The following IL12RB1 variants were observed in gnomAD, a reference collection of about 807,000 sequenced individuals.
The protein encoded by IL12RB1 is interleukin 12 receptor subunit beta 1, also known as interleukin-12 receptor subunit beta-1.
A neutral mutation model predicts 94.4 loss-of-function variants in IL12RB1; 64 were observed. The ratio of observed to expected loss-of-function variants is 0.68; its 90% confidence interval spans 0.55 to 0.83. The LOEUF is 0.83. IL12RB1 is among the 40% of genes least tolerant of loss of function. The probability of loss-of-function intolerance (pLI) is 0.00; values close to 1 mark genes in which losing one functional copy is unlikely to be tolerated. For missense variants in IL12RB1, 814 were observed against 855.6 expected (o/e 0.95, Z 0.61); for synonymous variants, 362 against 355.5 (o/e 1.02, Z -0.21).
intron 10 of IL12RB1, 39 bp downstream of exon 10, chr19:18,069,505 GCA>G (rs1372347930): frequency 1.9e-6 from 3 of 1,548,258 alleles, no homozygotes; most frequent in Non-Finnish European, 1.7e-6. Flanking sequence ...AAAAGGGAGG[GCA>G]CAGAGGAGGG....
chr19:18,083,698 C>T (rs1440632403), intron 1 of IL12RB1, among the ~76,000 whole-genome samples: 3 of 148,380 alleles, frequency 2.0e-5, no homozygotes, highest in African/African-American at 2.5e-5. Context: ...TTTATTCATC[C>T]GTCCACCATC....
At chr19:18,082,123 G>C (rs1374495987) in intron 3 of IL12RB1, 27 bp downstream of exon 3, 1 of 1,399,362 alleles carries the variant, frequency 7.1e-7, no homozygotes, top group East Asian at 2.3e-5. Flanking sequence ...GTGGGTGAGG[G>C]TTTGGGAATG....
intron 2 of IL12RB1, chr19:18,082,976 G>A: frequency 3.9e-6 from 1 of 259,646 alleles, no homozygotes; most frequent in Non-Finnish European, 7.6e-6. Flanking sequence ...CCAGCTACTT[G>A]GAAGGCTGAG....
intron 12 of IL12RB1, 124 bp from the exon 13 acceptor site, chr19:18,064,134 CTTTCTTT>C (rs2034384501): frequency 3.5e-5 from 15 of 423,056 alleles, no homozygotes; most frequent in Non-Finnish European, 5.1e-5. Flanking sequence ...TCTACTCTTT[CTTTCTTT>C]TTTTTTTTTT....
intron 11 of IL12RB1, among the ~76,000 whole-genome samples, chr19:18,067,326 GAAAAAAAAAA>G (rs57327846): frequency 1.6e-4 from 13 of 82,586 alleles, no homozygotes; most frequent in Admixed American, 4.8e-4. Context: ...TCTGTCTCAA[GAAAAAAAAAA>G]AAAAAAAAAA....
chr19:18,078,507 C>G (rs1434026209), intron 4 of IL12RB1, among the ~76,000 whole-genome samples: 1 of 151,872 alleles, frequency 6.6e-6, no homozygotes, highest in Non-Finnish European at 1.5e-5. Context: ...AATATTAACA[C>G]CCATTGCTGG....
intron 3 of IL12RB1, among the ~76,000 whole-genome samples, chr19:18,081,910 G>T (rs942169821): frequency 1.3e-5 from 2 of 152,038 alleles, no homozygotes; most frequent in Admixed American, 6.6e-5. Flanking sequence ...ATAAGTGAAA[G>T]GGTGAAGAAG....
upstream of IL12RB1, among the ~76,000 whole-genome samples, chr19:18,088,422 G>A (rs1177574278): frequency 8.2e-6 from 1 of 122,666 alleles, no homozygotes; most frequent in East Asian, 2.2e-4. Context: ...AAGTTAGCCA[G>A]TCGTGGTGGC....
intron 2 of IL12RB1, among the ~76,000 whole-genome samples, chr19:18,082,951 C>T (rs762392480): frequency 3.9e-5 from 6 of 151,944 alleles, no homozygotes; most frequent in African/African-American, 2.4e-5. Context: ...GGTGTGGTGG[C>T]GGGCACCTGT....
chr19:18,062,862 C>A (rs1380298312), intron 13 of IL12RB1, among the ~76,000 whole-genome samples: 3 of 151,788 alleles, frequency 2.0e-5, no homozygotes, highest in African/African-American at 7.3e-5. Context: ...TGCCCCCCAC[C>A]AACCCTGACT....
intron 11 of IL12RB1, among the ~76,000 whole-genome samples, chr19:18,066,989 T>A (rs370144164): frequency 6.8e-6 from 1 of 148,052 alleles, no homozygotes; most frequent in African/African-American, 2.5e-5. Flanking sequence ...ATGGCACCAC[T>A]GCACTCCAGC....
intron 13 of IL12RB1, among the ~76,000 whole-genome samples, chr19:18,063,113 T>TTTTTTA: frequency 1.0e-5 from 1 of 98,780 alleles, no homozygotes; most frequent in Admixed American, 1.1e-4. Context: ...TTTTTTTTTT[T>TTTTTTA]GAGACAGGGT....
chr19:18,065,276 A>G (rs438421), intron 12 of IL12RB1, among the ~76,000 whole-genome samples: 108,135 of 151,920 alleles, frequency 0.71, 38,864 homozygotes, highest in Middle Eastern at 0.78. Context: ...TCCAGGCCTT[A>G]GTTTCCTCAT....
intron 4 of IL12RB1, 69 bp downstream of exon 4, chr19:18,080,763 T>C (rs909625375): frequency 4.6e-5 from 48 of 1,042,466 alleles, no homozygotes; most frequent in Admixed American, 8.4e-5. Context: ...GAATCCTCTC[T>C]AGCTCCAGCC....
At chr19:18,093,242 G>A (rs2036716169) in intron 1 of IL12RB1, among the ~76,000 whole-genome samples, 4 of 151,822 alleles carry the variant, frequency 2.6e-5, no homozygotes, top group Admixed American at 2.0e-4. Context: ...GGAGGCGGAG[G>A]TTGCAGTGAG....
chr19:18,065,589 C>T (rs539574292), intron 12 of IL12RB1, among the ~76,000 whole-genome samples: 7 of 152,148 alleles, frequency 4.6e-5, no homozygotes, highest in South Asian at 2.1e-4. Flanking sequence ...GAGGCCAAGG[C>T]GGGTGATTCA....
chr19:18,059,645 G>C, intron 16 of IL12RB1, 32 bp from the exon 17 acceptor site: 1 of 780,434 alleles, frequency 1.3e-6, no homozygotes, highest in Non-Finnish European at 2.4e-6. Flanking sequence ...GTTCCTTTCA[G>C]GGGGTGGTTG....
At chr19:18,097,220 C>T (rs1386386393) in intron 1 of IL12RB1, among the ~76,000 whole-genome samples, 2 of 152,070 alleles carry the variant, frequency 1.3e-5, no homozygotes, top group Non-Finnish European at 2.9e-5. Context: ...CTCTGTCGCC[C>T]AGTCTGGAGT....
chr19:18,075,721 C>T (rs2035423330), intron 7 of IL12RB1, 28 bp downstream of exon 7: 2 of 1,601,540 alleles, frequency 1.2e-6, no homozygotes, highest in Non-Finnish European at 8.6e-7. Flanking sequence ...AATGCTTGCC[C>T]CTGTTCCTGT....
Sources: allele counts gnomAD v4.1 joint callset (sites outside exome capture counted in the v4.1 genomes callset), GRCh38; gene constraint gnomAD v4.1.1; transcripts MANE v1.5; gene names NCBI Gene and HGNC (gene_info 2026-07-23, HGNC 2026-07-21).